Variants in LRTM3 observed in about 807,000 individuals in gnomAD.
LRTM3 encodes the protein leucine-rich repeat transmembrane protein 3.
the LRTM3 span, chr13:102,739,490 GAA>G: frequency 6.5e-7 from 1 of 1,550,364 alleles, no homozygotes; most frequent in East Asian, 2.4e-5. Flanking sequence ...TCTTGAATTT[GAA>G]TTACTATGTG....
chr13:102,758,688 C>T, the LRTM3 span: 1 of 1,524,478 alleles, frequency 6.6e-7, no homozygotes, highest in Non-Finnish European at 8.9e-7. Flanking sequence ...GGGAAATCAA[C>T]CATTTATTCT....
At chr13:102,754,258 T>C in the LRTM3 span, among the ~76,000 whole-genome samples, 1 of 136,846 alleles carries the variant, frequency 7.3e-6, no homozygotes, top group Admixed American at 7.2e-5. Flanking sequence ...CAAAATCCAA[T>C]AATCCAATGT....
chr13:102,732,302 A>G, the LRTM3 span: 3 of 1,551,308 alleles, frequency 1.9e-6, no homozygotes, highest in South Asian at 1.2e-5. Context: ...CCACGAAGCT[A>G]TGTTCTTTAA....
At chr13:102,755,842 T>G in the LRTM3 span, among the ~76,000 whole-genome samples, 2 of 146,358 alleles carry the variant, frequency 1.4e-5, no homozygotes, top group South Asian at 4.3e-4. Context: ...AATAAAAAAA[T>G]ACTATGTTCA....
At chr13:102,731,996 T>G in the LRTM3 span, 3 of 1,551,302 alleles carry the variant, frequency 1.9e-6, no homozygotes, top group Non-Finnish European at 2.6e-6. Context: ...GTATTTTTTA[T>G]TCATTTCACT....
the LRTM3 span, chr13:102,749,831 A>G: frequency 1.2e-5 from 18 of 1,551,306 alleles, no homozygotes; most frequent in African/African-American, 1.2e-4. Context: ...AGAAATAACC[A>G]TTCCAACAGA....
chr13:102,732,990 C>T, the LRTM3 span: 1 of 1,551,430 alleles, frequency 6.4e-7, no homozygotes, highest in Non-Finnish European at 8.7e-7. Context: ...ATGAGCAATG[C>T]CTGCTTCCTT....
the LRTM3 span, chr13:102,740,212 C>T: frequency 1.3e-6 from 2 of 1,548,920 alleles, no homozygotes; most frequent in Non-Finnish European, 1.7e-6. Flanking sequence ...CTGATGATTT[C>T]ATTCCTTTTG....
chr13:102,757,359 T>TTCACACAGCGACTAG, the LRTM3 span, among the ~76,000 whole-genome samples: 45,786 of 151,764 alleles, frequency 0.3, 7,080 homozygotes, highest in South Asian at 0.36. Context: ...AATCCTCTGA[T>TTCACACAGCGACTAG]TCACACAGTG....
the LRTM3 span, among the ~76,000 whole-genome samples, chr13:102,751,979 T>G: frequency 1.3e-5 from 2 of 152,090 alleles, no homozygotes; most frequent in African/African-American, 4.8e-5. Context: ...TTCCTAAGGG[T>G]AAACAGAACA....
the LRTM3 span, chr13:102,730,628 A>G: frequency 5.8e-6 from 9 of 1,551,940 alleles, no homozygotes; most frequent in East Asian, 1.7e-4. Flanking sequence ...GAATTTTCTG[A>G]TGAGTGATGA....
At chr13:102,729,809 C>A in the LRTM3 span, 1 of 1,551,892 alleles carries the variant, frequency 6.4e-7, no homozygotes, top group South Asian at 1.2e-5. Context: ...GTGTGTACAA[C>A]TGTAATCGTG....
chr13:102,741,382 C>T, the LRTM3 span: 48 of 1,549,836 alleles, frequency 3.1e-5, no homozygotes, highest in East Asian at 1.0e-3. Context: ...CTGGATTCAC[C>T]TGTTCTTTCT....
the LRTM3 span, among the ~76,000 whole-genome samples, chr13:102,755,942 C>CATATAT: frequency 2.1e-4 from 11 of 52,784 alleles, no homozygotes; most frequent in Non-Finnish European, 3.8e-4. Context: ...TATATATATA[C>CATATAT]ATATATATAT....
At chr13:102,734,878 A>G in the LRTM3 span, 2 of 1,551,140 alleles carry the variant, frequency 1.3e-6, no homozygotes. Context: ...TTTGCACGTC[A>G]TCCTCTTCCT....
At chr13:102,736,011 G>A in the LRTM3 span, 1 of 1,550,016 alleles carries the variant, frequency 6.5e-7, no homozygotes, top group Non-Finnish European at 8.7e-7. Flanking sequence ...CTTTTGGGGA[G>A]TATTCTACCT....
the LRTM3 span, chr13:102,748,702 A>G: frequency 6.5e-7 from 1 of 1,550,014 alleles, no homozygotes. Context: ...CTGTAATACC[A>G]ATTCCCTTTG....
chr13:102,732,848 T>C, the LRTM3 span: 1 of 1,551,274 alleles, frequency 6.4e-7, no homozygotes, highest in African/African-American at 1.4e-5. Flanking sequence ...TAATTTTTTC[T>C]GCTCTAGATT....
chr13:102,748,380 G>T, the LRTM3 span: 1 of 1,550,908 alleles, frequency 6.4e-7, no homozygotes, highest in South Asian at 1.2e-5. Context: ...TTGCTTCCTG[G>T]GGAAATGAGC....
Sources: gnomAD v4.1 joint callset for allele counts (sites outside exome capture counted in the v4.1 genomes callset) on GRCh38, gnomAD v4.1.1 for gene constraint, MANE v1.5 for transcripts, NCBI Gene and HGNC (gene_info 2026-07-23, HGNC 2026-07-21) for gene names.